Variants in SPAG17 observed in about 807,000 individuals in gnomAD.
SPAG17 encodes the protein sperm-associated antigen 17.
In SPAG17, 169 loss-of-function variants were observed where a neutral mutation model predicts 273.6. The ratio of observed to expected loss-of-function variants is 0.62; its 90% confidence interval spans 0.55 to 0.70. The LOEUF (loss-of-function observed/expected upper bound fraction) is 0.70. SPAG17 is among the 30% of genes least tolerant of loss of function. The pLI, the probability that SPAG17 is intolerant of heterozygous loss-of-function variation, is 0.00. For synonymous variants in SPAG17, 825 were observed against 873.2 expected, an observed-to-expected ratio of 0.94 and a Z score of 0.97; for missense variants, 2,557 against 2,627.8, an observed-to-expected ratio of 0.97 and a Z score of 0.59.
chr1:118,001,352 A>G (rs1658266514), intron 32 of SPAG17, among the ~76,000 whole-genome samples: 1 of 152,070 alleles, frequency 6.6e-6, no homozygotes. Flanking sequence ...GTTAGGGAGG[A>G]TTCCCTCTTT....
At chr1:118,115,543 A>G (rs1429518191) in intron 3 of SPAG17, 102 bp from the exon 4 acceptor site, 56 of 1,221,290 alleles carry the variant, frequency 4.6e-5, no homozygotes, top group Non-Finnish European at 6.2e-5. Context: ...TATTTGTCAT[A>G]CTGGAAAGAT....
At position 117,991,315 on chromosome 1, in the gene SPAG17, A is replaced by T. The variant is rs1445100224; in HGVS notation, c.5475+100T>A. ...ATTATGAGGAGGGAGCAAATGCTTC[A>T]TGGAAGTGGCAGAAGCAGCTATTTC... On this transcript the variant is annotated intron_variant, in intron 37 of 48. Coordinates refer to ENST00000336338, the MANE Select transcript of SPAG17 (RefSeq NM_206996.4). 1.4e-5 allele frequency: 9 copies of T among 656,970 alleles called. No individual in the cohort carries two copies. The East Asian group carries it at 1.5e-4, about 11-fold the overall frequency. 40.7% of individuals were successfully genotyped at this position (656,970 alleles called of 1,614,324 possible).
chr1:118,047,283 A>C (rs537243008), intron 20 of SPAG17, among the ~76,000 whole-genome samples: 6 of 152,352 alleles, frequency 3.9e-5, no homozygotes, highest in African/African-American at 1.4e-4. Flanking sequence ...CACAGATTTT[A>C]ACAACTACCC....
intron 3 of SPAG17, among the ~76,000 whole-genome samples, chr1:118,140,069 G>A (rs532382838): frequency 3.3e-5 from 5 of 152,198 alleles, no homozygotes; most frequent in Admixed American, 2.0e-4. Flanking sequence ...TCAGGACTCC[G>A]CATGGAGTCG....
intron 4 of SPAG17, among the ~76,000 whole-genome samples, chr1:118,111,737 A>G (rs1656774199): frequency 6.6e-6 from 1 of 152,066 alleles, no homozygotes; most frequent in African/African-American, 2.4e-5. Flanking sequence ...ATGATGTATT[A>G]TCAAACGTAG....
intron 4 of SPAG17, among the ~76,000 whole-genome samples, chr1:118,105,791 T>C (rs1312736573): frequency 6.6e-6 from 1 of 150,624 alleles, no homozygotes; most frequent in Non-Finnish European, 1.5e-5. Flanking sequence ...GTGGAGGAAA[T>C]AATCATTAGA....
intron 3 of SPAG17, among the ~76,000 whole-genome samples, chr1:118,147,605 A>G (rs1659090759): frequency 6.6e-6 from 1 of 152,210 alleles, no homozygotes; most frequent in African/African-American, 2.4e-5. Context: ...ATTAGCACAA[A>G]TCTAAGCAGC....
chr1:118,009,905 C>A (rs1457801997), intron 30 of SPAG17, among the ~76,000 whole-genome samples: 2 of 151,742 alleles, frequency 1.3e-5, no homozygotes, highest in Non-Finnish European at 2.9e-5. Context: ...CAATAGAATA[C>A]TATTCAGTGT....
chr1:118,082,357 A>C (rs1654651414), intron 13 of SPAG17, among the ~76,000 whole-genome samples: 1 of 152,240 alleles, frequency 6.6e-6, no homozygotes, highest in Non-Finnish European at 1.5e-5. Flanking sequence ...CATGGAATTC[A>C]ATCAGAAAAA....
chr1:118,005,339 A>G (rs1658767783), intron 32 of SPAG17, 75 bp downstream of exon 32: 37 of 1,286,338 alleles, frequency 2.9e-5, no homozygotes, highest in Non-Finnish European at 3.8e-5. Flanking sequence ...AAAAATCTAC[A>G]TGGAAGCTTT....
intron 25 of SPAG17, among the ~76,000 whole-genome samples, chr1:118,028,942 T>C (rs1244339431): frequency 1.3e-5 from 2 of 152,176 alleles, no homozygotes; most frequent in Non-Finnish European, 2.9e-5. Flanking sequence ...TGAGGACACA[T>C]TGAAGGAACC....
At chr1:118,104,100 C>A (rs1656244796) in intron 4 of SPAG17, among the ~76,000 whole-genome samples, 1 of 151,988 alleles carries the variant, frequency 6.6e-6, no homozygotes. Flanking sequence ...TATGATTTTG[C>A]AAGATTGGAA....
chr1:118,042,980 C>T (rs1272901058), intron 20 of SPAG17, among the ~76,000 whole-genome samples: 1 of 152,094 alleles, frequency 6.6e-6, no homozygotes, highest in Non-Finnish European at 1.5e-5. Context: ...GATATAAGCT[C>T]ACAAATGAAA....
chr1:118,070,355 G>T (rs1182321025), intron 17 of SPAG17, among the ~76,000 whole-genome samples: 1 of 152,168 alleles, frequency 6.6e-6, no homozygotes, highest in African/African-American at 2.4e-5. Context: ...GGTGAAAGTG[G>T]CACTGAAAAT....
intron 4 of SPAG17, among the ~76,000 whole-genome samples, chr1:118,106,639 T>C (rs1347551050): frequency 1.3e-5 from 2 of 152,212 alleles, no homozygotes; most frequent in Non-Finnish European, 2.9e-5. Flanking sequence ...CCAGAAACTT[T>C]TACAACTGCA....
At chr1:118,033,140 C>G (rs1648677078) in intron 24 of SPAG17, among the ~76,000 whole-genome samples, 1 of 152,124 alleles carries the variant, frequency 6.6e-6, no homozygotes, top group South Asian at 2.1e-4. Context: ...ACCATTGGGG[C>G]TCCAATTGTC....
chr1:118,099,834 A>G, intron 5 of SPAG17, 34 bp from the exon 6 acceptor site: 2 of 1,592,016 alleles, frequency 1.3e-6, no homozygotes, highest in Non-Finnish European at 8.6e-7. Flanking sequence ...AGCAGCCATC[A>G]TTGTAAAAGA....
At chr1:118,074,408 G>C (rs991121320) in intron 16 of SPAG17, 131 bp downstream of exon 16, 31 of 795,536 alleles carry the variant, frequency 3.9e-5, no homozygotes, top group Middle Eastern at 5.6e-4. Flanking sequence ...TGTCCGAATA[G>C]TTCCTCTTTT....
At chr1:118,090,525 A>G (rs368514477) in intron 10 of SPAG17, among the ~76,000 whole-genome samples, 1 of 152,344 alleles carries the variant, frequency 6.6e-6, no homozygotes, top group African/African-American at 2.4e-5. Flanking sequence ...GACTAAAAAT[A>G]AATGAAGTAA....
Sources: gnomAD v4.1 joint callset for allele counts (sites outside exome capture counted in the v4.1 genomes callset) on GRCh38, gnomAD v4.1.1 for gene constraint, MANE v1.5 for transcripts, NCBI Gene and HGNC (gene_info 2026-07-23, HGNC 2026-07-21) for gene names.